The following MYO18B variants were observed in gnomAD, a reference collection of about 807,000 sequenced individuals.
MYO18B encodes myosin XVIIIB, also known as unconventional myosin-XVIIIb.
In MYO18B, 204 loss-of-function variants were observed where a neutral mutation model predicts 273.0. The observed-to-expected ratio is 0.75, with a 90% CI of 0.67 to 0.84. MYO18B has a LOEUF of 0.84. Among genes scored for constraint, MYO18B ranks in the 40% least tolerant of loss-of-function variants. The pLI is 0.00. For missense variants in MYO18B, 3,212 were observed against 3,287.6 expected, an observed-to-expected ratio of 0.98 and a Z score of 0.56; for synonymous variants, 1,330 against 1,305.7, an observed-to-expected ratio of 1.02 and a Z score of -0.40.
chr22:25,894,035 C>T (rs906934732), intron 27 of MYO18B, among the ~76,000 whole-genome samples: 2 of 152,194 alleles, frequency 1.3e-5, no homozygotes, highest in African/African-American at 4.8e-5. Context: ...ATTCAACTAT[C>T]CACCTTTCCA....
Position 25,769,196 on chromosome 22 carries a change from A to G in MYO18B, c.1280A>G (p.Glu427Gly), listed in dbSNP as rs1431453113. Residue 427 changes from glutamate (E) to glycine (G), a missense_variant, in exon 4 of 44, where the codon GAG becomes GGG. By Grantham distance (98) the Glu-to-Gly change is moderately conservative. Transcript: ENST00000335473. Reference sequence around the variant, plus strand: ...CCAAAGGAGGTGAGCACAATGGTGGAGTCGCCAGCAGCTCCTGGGAAGGGA... The same window carrying G: ...CCAAAGGAGGTGAGCACAATGGTGGGGTCGCCAGCAGCTCCTGGGAAGGGA... Reference protein sequence around the residue: ...EAPKEVSTMVESPAAPGKGGW... With the variant: ...EAPKEVSTMVGSPAAPGKGGW... 3.1e-6 allele frequency: 5 copies of G among 1,608,480 alleles called. No homozygotes were observed. Among genetic ancestry groups the G allele is most frequent in the Non-Finnish European group, 3.4e-6 (4 of 1,177,636 alleles).
intron 42 of MYO18B, among the ~76,000 whole-genome samples, chr22:26,017,170 G>T (rs1413072133): frequency 8.1e-6 from 1 of 123,378 alleles, no homozygotes; most frequent in Non-Finnish European, 1.6e-5. Flanking sequence ...TCCTTCCCTT[G>T]CTCCTTCCTT....
At chr22:25,771,932 T>G (rs2086734731) in intron 6 of MYO18B, among the ~76,000 whole-genome samples, 1 of 152,228 alleles carries the variant, frequency 6.6e-6, no homozygotes, top group Non-Finnish European at 1.5e-5. Context: ...TGGAGCATAT[T>G]GAGAGCTTCC....
intron 12 of MYO18B, among the ~76,000 whole-genome samples, chr22:25,812,135 T>G (rs566882418): frequency 3.3e-5 from 5 of 152,300 alleles, no homozygotes; most frequent in African/African-American, 1.2e-4. Context: ...CAAGGAAGGC[T>G]TGGCATTTTT....
intron 21 of MYO18B, among the ~76,000 whole-genome samples, chr22:25,865,359 C>T (rs978893277): frequency 2.0e-5 from 3 of 152,134 alleles, no homozygotes; most frequent in Middle Eastern, 3.2e-3. Flanking sequence ...CTAAAGAGTT[C>T]TCAGAAAGCA....
the MYO18B span, among the ~76,000 whole-genome samples, chr22:26,063,164 A>G: frequency 1.3e-5 from 2 of 152,180 alleles, no homozygotes; most frequent in South Asian, 2.1e-4. Flanking sequence ...AGAAAACAAC[A>G]TATGTTGACT....
At chr22:25,840,353 C>T (rs550877488) in intron 17 of MYO18B, among the ~76,000 whole-genome samples, 42 of 152,382 alleles carry the variant, frequency 2.8e-4, no homozygotes, top group African/African-American at 7.9e-4. Flanking sequence ...AGGGCCCTTC[C>T]GCCACATTCC....
At chr22:25,838,668 A>G (rs1298083985) in intron 17 of MYO18B, among the ~76,000 whole-genome samples, 4 of 152,194 alleles carry the variant, frequency 2.6e-5, no homozygotes, top group African/African-American at 9.7e-5. Context: ...TGTAGTTTGG[A>G]GCCATGGGCT....
rs544089827 is a variant in MYO18B at position 25,878,904 on chromosome 22, C to T, written c.4314+856C>T. 9.2e-5 allele frequency among the ~76,000 whole-genome samples: 14 copies of T among 152,294 alleles called. No individual in the cohort carries two copies. The South Asian group carries it at 2.3e-3, about 25-fold the overall frequency. On this transcript the variant is annotated intron_variant, in intron 25 of 43. Coordinates refer to ENST00000335473, the MANE Select transcript of MYO18B (RefSeq NM_032608.7). ...TATTTATGCTAGAGAATCTTATCCA[C>T]GAATATATGAAAATACAAGAAGTTC...
intron 12 of MYO18B, among the ~76,000 whole-genome samples, chr22:25,812,049 C>T (rs1354619184): frequency 6.6e-6 from 1 of 152,136 alleles, no homozygotes; most frequent in Non-Finnish European, 1.5e-5. Context: ...GGTGCAGCCA[C>T]TAATTCAGGG....
intron 39 of MYO18B, among the ~76,000 whole-genome samples, chr22:25,979,839 C>T (rs796152338): frequency 3.3e-5 from 5 of 152,192 alleles, no homozygotes; most frequent in African/African-American, 1.2e-4. Context: ...AGAGCCTTAG[C>T]CACCTTCTCC....
intron 42 of MYO18B, among the ~76,000 whole-genome samples, chr22:26,020,024 G>A (rs572778254): frequency 1.3e-5 from 2 of 152,274 alleles, no homozygotes; most frequent in African/African-American, 4.8e-5. Context: ...GGTGTGTGAT[G>A]TAGTGGAAGA....
chr22:25,793,430 G>A (rs1037346806), intron 11 of MYO18B, among the ~76,000 whole-genome samples: 1 of 152,098 alleles, frequency 6.6e-6, no homozygotes, highest in African/African-American at 2.4e-5. Context: ...AGATACGAGA[G>A]GTCTTGCTAT....
intron 42 of MYO18B, 84 bp from the exon 43 acceptor site, chr22:26,026,361 C>A: frequency 7.0e-7 from 1 of 1,433,340 alleles, no homozygotes; most frequent in South Asian, 1.4e-5. Flanking sequence ...ATATTAGTGC[C>A]TGTGCTTAGG....
At chr22:25,778,296 C>A (rs1167881364) in intron 8 of MYO18B, among the ~76,000 whole-genome samples, 2 of 151,898 alleles carry the variant, frequency 1.3e-5, no homozygotes, top group East Asian at 3.9e-4. Context: ...GCAGGGCAGG[C>A]TAGGGAAGAA....
In MYO18B at chr22:25,958,709, G is replaced by A. The variant is rs6004854; in HGVS notation, c.6156+3345G>A. On this transcript the variant is annotated intron_variant, in intron 39 of 43. Transcript: ENST00000335473. ...AGTTAAGTCCTCACTGTCATTGAAA[G>A]TCTAGTCTTGCTGCTGAGGCCCCTC... is the stretch of plus-strand genomic sequence containing the variant. 4.7e-3 allele frequency among the ~76,000 whole-genome samples: 722 copies of A among 152,224 alleles called. 6 individuals are homozygous for A. The highest frequency in any genetic ancestry group is 0.017 in the African/African-American group (688 of 41,538).
chr22:25,772,264 G>T, intron 6 of MYO18B, 70 bp from the exon 7 acceptor site: 2 of 1,486,298 alleles, frequency 1.3e-6, no homozygotes, highest in Non-Finnish European at 1.8e-6. Context: ...TTGGTTGCGG[G>T]GGGGTGGGGT....
chr22:25,852,980 A>G (rs1023448263), intron 21 of MYO18B, among the ~76,000 whole-genome samples: 1 of 152,246 alleles, frequency 6.6e-6, no homozygotes, highest in Non-Finnish European at 1.5e-5. Context: ...ATGGAGGATG[A>G]TAGCTGAGCT....
chr22:25,882,451 AG>A (rs1235053890), intron 25 of MYO18B, among the ~76,000 whole-genome samples: 1 of 152,202 alleles, frequency 6.6e-6, no homozygotes, highest in African/African-American at 2.4e-5. Context: ...TTCTCATAAA[AG>A]GGGCACTAAG....
Sources: allele counts gnomAD v4.1 joint callset (sites outside exome capture counted in the v4.1 genomes callset), GRCh38; gene constraint gnomAD v4.1.1; transcripts MANE v1.5; gene names NCBI Gene and HGNC (gene_info 2026-07-23, HGNC 2026-07-21).